CUL9: variants seen among roughly 807,000 people sequenced by gnomAD.
The protein encoded by CUL9 is cullin-9.
In CUL9, 79 loss-of-function variants were observed where a neutral mutation model predicts 272.6. The ratio of observed to expected loss-of-function variants is 0.29; its 90% CI spans 0.24 to 0.35. The LOEUF (loss-of-function observed/expected upper bound fraction) is 0.35. Among genes scored for constraint, CUL9 ranks in the 10% least tolerant of loss-of-function variants. CUL9 has a pLI of 1.00. For missense variants in CUL9, 2,532 were observed against 3,255.6 expected (o/e 0.78, Z 5.41); for synonymous variants, 1,186 against 1,286.5 (o/e 0.92, Z 1.67).
chr6:43,204,139 T>C (rs1774859920), intron 20 of CUL9, 152 bp downstream of exon 20: 12 of 1,119,916 alleles, frequency 1.1e-5, no homozygotes, highest in Non-Finnish European at 1.5e-5. Context: ...CCCCAGGCAC[T>C]GCTCCCTGAG....
intron 9 of CUL9, among the ~76,000 whole-genome samples, chr6:43,194,065 G>A (rs1451519002): frequency 6.6e-6 from 1 of 152,134 alleles, no homozygotes; most frequent in Non-Finnish European, 1.5e-5. Flanking sequence ...CAGAAGAATT[G>A]GCTTCCTGGT....
intron 2 of CUL9, 139 bp from the exon 3 acceptor site, chr6:43,185,317 T>A: frequency 1.2e-6 from 1 of 825,962 alleles, no homozygotes; most frequent in Non-Finnish European, 1.9e-6. Context: ...TGTAACAGGT[T>A]ACCATGTAAA....
chr6:43,205,552 C>CT, intron 24 of CUL9, 129 bp downstream of exon 24: 4 of 1,114,994 alleles, frequency 3.6e-6, no homozygotes, highest in Non-Finnish European at 5.2e-6. Flanking sequence ...GATGGCTGGC[C>CT]AGGCGCGGTG....
chr6:43,216,966 A>T (rs1196257059), intron 31 of CUL9, among the ~76,000 whole-genome samples: 2 of 152,128 alleles, frequency 1.3e-5, no homozygotes, highest in Non-Finnish European at 2.9e-5. Context: ...ATTGGTGATG[A>T]CTCTAGTTTG....
intron 11 of CUL9, 22 bp downstream of exon 11, chr6:43,196,884 T>G: frequency 6.2e-7 from 1 of 1,600,460 alleles, no homozygotes; most frequent in Non-Finnish European, 8.6e-7. Context: ...GAGGGGTGGT[T>G]TTGCAGAGGA....
chr6:43,221,609 A>T lies in CUL9; in HGVS notation c.6753-76A>T. On this transcript the variant is annotated intron_variant, in intron 34 of 40. Coordinates refer to ENST00000252050, the MANE Select transcript of CUL9 (RefSeq NM_015089.4). This position sits in a 1 kb window ranked among gnomAD's most constrained non-coding sequence, Gnocchi z 4.2. ...CAGAGGCCACAGCATCAACAGCGGTACATCTGGGCCCTTGGCATTCCTGGC... is the reference window on the plus strand; with the variant it reads ...CAGAGGCCACAGCATCAACAGCGGTTCATCTGGGCCCTTGGCATTCCTGGC... The T allele has an allele frequency of 7.5e-7, 1 of 1,337,430 alleles. No homozygotes were observed. Among genetic ancestry groups the T allele is most frequent in the Non-Finnish European group, 1.1e-6 (1 of 944,856 alleles). The allele number at this position is 1,337,430 out of a possible 1,614,324, so 82.8% of individuals were successfully genotyped here.
In CUL9 at chr6:43,203,358, T is replaced by G. The variant is rs1041403542; in HGVS notation, c.3850-59T>G. On this transcript the variant is annotated intron_variant, in intron 18 of 40. Coordinates refer to ENST00000252050, the MANE Select transcript of CUL9 (RefSeq NM_015089.4). The surrounding 1 kb of genome is among the most constrained non-coding windows in gnomAD (Gnocchi z 5.0). ...GGAGCTCAGGGCAGGAGGCTTGGCT[T>G]TGGTAGTACTTAGTGGCTCAAGCGG... The G allele has an allele frequency of 1.3e-4, 213 of 1,606,184 alleles. 3 individuals are homozygous for G. In the East Asian group the frequency reaches 4.7e-3, roughly 35 times the overall value.
chr6:43,209,619 T>G (rs1182169120), intron 26 of CUL9, among the ~76,000 whole-genome samples: 1 of 152,156 alleles, frequency 6.6e-6, no homozygotes, highest in Non-Finnish European at 1.5e-5. Flanking sequence ...GACATTGAGA[T>G]TTCTGGAGAA....
chr6:43,209,582 C>CTCAT (rs1775314601), intron 26 of CUL9, among the ~76,000 whole-genome samples: 1 of 152,136 alleles, frequency 6.6e-6, no homozygotes, highest in South Asian at 2.1e-4. Context: ...GGAACAGTTC[C>CTCAT]CCATCCTTTC....
At chr6:43,193,900 A>G (rs754916563) in intron 9 of CUL9, among the ~76,000 whole-genome samples, 3 of 152,156 alleles carry the variant, frequency 2.0e-5, no homozygotes, top group African/African-American at 4.8e-5. Flanking sequence ...AATTTTCTAG[A>G]TGTGACCATT....
At position 43,220,152 on chromosome 6, in the gene CUL9, A is replaced by G. The variant is rs1165922382; in HGVS notation, c.6283-307A>G. ...TTCCTGCTCTCTGCATATCTTTCTG[A>G]GAATTTGAATCGTTCTCCTTTTTCT... is the stretch of plus-strand genomic sequence containing the variant. On this transcript the variant is annotated intron_variant, in intron 31 of 40. Transcript: ENST00000252050. The surrounding 1 kb of genome is among the most constrained non-coding windows in gnomAD (Gnocchi z 4.9). Among the ~76,000 whole-genome samples, 2 of 152,106 alleles carry G rather than the reference A, an allele frequency of 1.3e-5. No homozygotes were observed. Among genetic ancestry groups the G allele is most frequent in the Non-Finnish European group, 2.9e-5 (2 of 68,012 alleles).
chr6:43,190,298 G>GT (rs59636393), intron 8 of CUL9, among the ~76,000 whole-genome samples: 4,720 of 141,984 alleles, frequency 0.033, 237 homozygotes, highest in African/African-American at 0.11. Flanking sequence ...CATTTGTTCT[G>GT]TTTTTTTTTT....
At chr6:43,191,727 G>A (rs1773532890) in intron 8 of CUL9, among the ~76,000 whole-genome samples, 1 of 151,706 alleles carries the variant, frequency 6.6e-6, no homozygotes, top group South Asian at 2.1e-4. Flanking sequence ...TGGGATTACA[G>A]GCCTGCACCA....
chr6:43,196,978 C>T (rs1774053017), intron 11 of CUL9, 116 bp downstream of exon 11: 8 of 848,972 alleles, frequency 9.4e-6, no homozygotes, highest in Non-Finnish European at 1.5e-5. Flanking sequence ...AAGCATTGTG[C>T]TCAAGTTAGG....
chr6:43,213,111 A>G lies in CUL9; in HGVS notation c.5213-38A>G. 1 of 1,606,826 alleles carries G rather than the reference A, an allele frequency of 6.2e-7. No individual in the cohort carries two copies. Among genetic ancestry groups the G allele is most frequent in the Non-Finnish European group, 8.5e-7 (1 of 1,175,100 alleles). Reference sequence around the variant, plus strand: ...AACCCCTAAACCCCTTGTTTCGCCCATTCTGTGTCTCCACCCTTCTCCTTG... The same window carrying G: ...AACCCCTAAACCCCTTGTTTCGCCCGTTCTGTGTCTCCACCCTTCTCCTTG... On this transcript the variant is annotated intron_variant, in intron 26 of 40. Transcript: ENST00000252050. The surrounding 1 kb of genome is among the most constrained non-coding windows in gnomAD (Gnocchi z 5.7).
In CUL9 at chr6:43,205,129, G is replaced by A; in HGVS notation, c.4632+14G>A. The A allele has an allele frequency of 1.9e-6, 3 of 1,575,262 alleles. No individual in the cohort carries two copies. The highest frequency in any genetic ancestry group is 2.6e-6 in the Non-Finnish European group (3 of 1,158,102). On this transcript the variant is annotated intron_variant, in intron 23 of 40. Transcript: ENST00000252050. ...ACTGCTGCTCACGTGAGTCCCACCA[G>A]CTCCCCACAGGGCTATAAGCTTGTG...
In CUL9 at chr6:43,221,390, G is replaced by A; in HGVS notation, c.6752+69G>A. On this transcript the variant is annotated intron_variant, in intron 34 of 40. Transcript: ENST00000252050. This position sits in a 1 kb window ranked among gnomAD's most constrained non-coding sequence, Gnocchi z 4.2. ...GGAGGAGGCCTGGCAGAAGGAGGGG[G>A]GAACGGGCTTAGTGTAAAGCTCAGC... 9.7e-7 allele frequency: 1 copy of A among 1,027,002 alleles called. No individual in the cohort carries two copies. Among genetic ancestry groups the A allele is most frequent in the Non-Finnish European group, 1.4e-6 (1 of 695,152 alleles). The allele number at this position is 1,027,002 out of a possible 1,614,324, so 63.6% of individuals were successfully genotyped here.
At position 43,188,483 on chromosome 6, in the gene CUL9, C is replaced by T. The variant is rs1773126553; in HGVS notation, c.1988-40C>T. ...TTAAAGACTTCTAACTTCAAGGTGCCACAGTTCTTTTAGCCATTGCCTTTT... is the reference window on the plus strand; with the variant it reads ...TTAAAGACTTCTAACTTCAAGGTGCTACAGTTCTTTTAGCCATTGCCTTTT... On this transcript the variant is annotated intron_variant, in intron 7 of 40. Coordinates refer to ENST00000252050, the MANE Select transcript of CUL9 (RefSeq NM_015089.4). 7 of 1,539,210 alleles carry T rather than the reference C, an allele frequency of 4.5e-6. 1 individual carries two copies. The highest frequency in any genetic ancestry group is 6.1e-6 in the Non-Finnish European group (7 of 1,141,338).
chr6:43,196,772 C>T lies in CUL9; in HGVS notation c.2713C>T (p.Pro905Ser). ...GTTGTTTAGGCACTCAGGGATAGCACCAAGAACAGAACCTATGCCTACCAC... is the reference window on the plus strand; with the variant it reads ...GTTGTTTAGGCACTCAGGGATAGCATCAAGAACAGAACCTATGCCTACCAC... ...DTLFRHSGIA[P>S]RTEPMPTTRT... Residue 905 changes from proline to serine, a missense_variant, in exon 11 of 41, where the codon CCA (proline) becomes TCA (serine). Pro to Ser is a moderately conservative substitution (Grantham distance 74). Around this residue, in one of 3 missense-constraint regions of CUL9, gnomAD observed 2,218 missense variants for 2,788.6 expected, o/e 0.80. Coordinates refer to ENST00000252050, the MANE Select transcript of CUL9 (RefSeq NM_015089.4). The T allele has an allele frequency of 6.2e-7, 1 of 1,614,186 alleles. No homozygotes were observed. Among genetic ancestry groups the T allele is most frequent in the Non-Finnish European group, 8.5e-7 (1 of 1,180,026 alleles).
Sources: allele counts gnomAD v4.1 joint callset (sites outside exome capture counted in the v4.1 genomes callset), GRCh38; gene constraint gnomAD v4.1.1; regional missense constraint gnomAD v4.1.1; non-coding constraint Gnocchi (gnomAD v3.1); transcripts MANE v1.5; gene names NCBI Gene and HGNC (gene_info 2026-07-23, HGNC 2026-07-21).